Variants in FGF14 observed in about 807,000 individuals in gnomAD.
FGF14 encodes the protein fibroblast growth factor 14, also known as fibroblast growth factor homologous factor 4.
A neutral mutation model predicts 25.5 loss-of-function variants in FGF14; 5 were observed. The ratio of observed to expected loss-of-function variants is 0.20; its 90% CI spans 0.10 to 0.41. The LOEUF is 0.41. Ranked by LOEUF, FGF14 falls within the 10% of genes least tolerant of loss-of-function variation. The probability of loss-of-function intolerance (pLI) is 1.00; values close to 1 mark genes in which losing one functional copy is unlikely to be tolerated. For missense variants in FGF14, 222 were observed against 320.1 expected, an observed-to-expected ratio of 0.69 and a Z score of 2.34; for synonymous variants, 138 against 118.3, an observed-to-expected ratio of 1.17 and a Z score of -1.08.
chr13:102,153,100 C>T (rs1476493960), intron 1 of FGF14, among the ~76,000 whole-genome samples: 1 of 152,062 alleles, frequency 6.6e-6, no homozygotes, highest in African/African-American at 2.4e-5. Context: ...AGCGATTAAC[C>T]GAATTCAAAA....
chr13:102,313,009 G>A (rs116835715), intron 1 of FGF14, among the ~76,000 whole-genome samples: 1,946 of 152,210 alleles, frequency 0.013, 38 homozygotes, highest in African/African-American at 0.043. Context: ...CTCCTGTAGC[G>A]GACCAACCTA....
chr13:101,916,630 C>T lies in FGF14; in HGVS notation c.16G>A (p.Ala6Thr). Reference sequence around the variant, plus strand: ...CGCTTCTGGCGGATCAAGCCGCTAGCGATGGCCGCGGCCATGGTGGCCCCG... The same window carrying T: ...CGCTTCTGGCGGATCAAGCCGCTAGTGATGGCCGCGGCCATGGTGGCCCCG... MAAAI[A>T]SGLIRQKRQA... The change falls in exon 1 of 5, where the codon GCT becomes ACT. Residue 6 changes from alanine to threonine, a missense_variant. Physicochemically the swap from Ala to Thr is moderately conservative, Grantham distance 58 (BLOSUM62 0). This residue lies in a region of FGF14 where 11 missense variants were observed against 26.6 expected (regional missense o/e 0.41). Transcript: ENST00000376143. 1 of 1,575,036 alleles carries T rather than the reference C, an allele frequency of 6.3e-7. No homozygotes were observed. The highest frequency in any genetic ancestry group is 8.6e-7 in the Non-Finnish European group (1 of 1,157,534).
At chr13:101,860,255 C>G (rs1449382873) in intron 3 of FGF14, among the ~76,000 whole-genome samples, 1 of 152,076 alleles carries the variant, frequency 6.6e-6, no homozygotes, top group Non-Finnish European at 1.5e-5. Context: ...TCTATACCAT[C>G]TTGGTGCTCG....
chr13:102,333,527 C>A (rs879906217), intron 1 of FGF14, among the ~76,000 whole-genome samples: 1 of 152,076 alleles, frequency 6.6e-6, no homozygotes, highest in South Asian at 2.1e-4. Flanking sequence ...ATGGATGTTA[C>A]GCAAGAAGAG....
chr13:101,994,182 GAACA>G lies in FGF14; in HGVS notation c.209-118890_209-118887del, dbSNP rs1445603033. On this transcript the variant is annotated intron_variant, in intron 1 of 4. Coordinates refer to the FGF14 transcript ENST00000376131. ...GTTTATGTGCAAATAAAGATAAAGA[GAACA>G]AACTTTCCAATGATTGTTGGTTCTA... is the stretch of plus-strand genomic sequence containing the variant. Among the ~76,000 whole-genome samples, 32 of 151,910 alleles carry G rather than the reference GAACA, an allele frequency of 2.1e-4. 1 individual carries two copies. Among genetic ancestry groups the G allele is most frequent in the Admixed American group, 1.6e-3 (24 of 15,242 alleles).
At chr13:102,181,693 T>C (rs1407975726) in intron 1 of FGF14, among the ~76,000 whole-genome samples, 1 of 152,184 alleles carries the variant, frequency 6.6e-6, no homozygotes, top group African/African-American at 2.4e-5. Flanking sequence ...ATTATACAGA[T>C]TCTAAATTAT....
At chr13:102,000,675 T>C (rs1168350945) in intron 1 of FGF14, among the ~76,000 whole-genome samples, 2 of 152,232 alleles carry the variant, frequency 1.3e-5, no homozygotes, top group East Asian at 3.8e-4. Flanking sequence ...CCTTTATCGC[T>C]GGCTTTTTGG....
intron 3 of FGF14, among the ~76,000 whole-genome samples, chr13:101,805,552 C>G (rs1326692252): frequency 6.6e-6 from 1 of 152,042 alleles, no homozygotes; most frequent in Non-Finnish European, 1.5e-5. Context: ...ATTAAGGGCA[C>G]CAAACATGTA....
intron 1 of FGF14, among the ~76,000 whole-genome samples, chr13:102,356,659 C>T (rs1011476038): frequency 2.0e-5 from 3 of 152,334 alleles, no homozygotes; most frequent in African/African-American, 7.2e-5. Flanking sequence ...CCAAGTCCCA[C>T]TGTTTACTGT....
chr13:102,387,903 T>G lies in FGF14; in HGVS notation c.208+13568A>C, dbSNP rs546873050. On this transcript the variant is annotated intron_variant, in intron 1 of 4. Transcript: ENST00000376131. ...TACTACCACGCCCGGCTAATTTTTG[T>G]ATTTTTAGTAAAGACGGGGTTTCAC... Among the ~76,000 whole-genome samples the G allele has an allele frequency of 1.6e-4, 25 of 152,300 alleles. No homozygotes were observed. The East Asian group carries it at 4.8e-3, about 29-fold the overall frequency.
chr13:102,211,690 T>C (rs1314764091), intron 1 of FGF14, among the ~76,000 whole-genome samples: 1 of 152,186 alleles, frequency 6.6e-6, no homozygotes, highest in African/African-American at 2.4e-5. Flanking sequence ...ATTTTAATTT[T>C]GTTCAATATA....
intron 1 of FGF14, among the ~76,000 whole-genome samples, chr13:101,876,437 G>C (rs2045398439): frequency 6.6e-6 from 1 of 152,096 alleles, no homozygotes; most frequent in Admixed American, 6.6e-5. Flanking sequence ...AATAGGTGAA[G>C]ACAAAAAAAT....
chr13:101,748,574 CA>C (rs1424061042), intron 3 of FGF14, among the ~76,000 whole-genome samples: 4 of 151,288 alleles, frequency 2.6e-5, no homozygotes, highest in African/African-American at 9.7e-5. Context: ...ACAATACAGC[CA>C]TGTAAAAAAA....
intron 1 of FGF14, among the ~76,000 whole-genome samples, chr13:102,320,968 CT>C (rs2056220862): frequency 6.6e-6 from 1 of 152,142 alleles, no homozygotes; most frequent in Non-Finnish European, 1.5e-5. Context: ...AAAATAGCCT[CT>C]CTCTAATATG....
At chr13:101,898,043 T>C (rs930406894) in intron 1 of FGF14, among the ~76,000 whole-genome samples, 5 of 152,008 alleles carry the variant, frequency 3.3e-5, no homozygotes, top group Admixed American at 2.6e-4. Flanking sequence ...CACAGGTGTG[T>C]GCCACCACGT....
intron 1 of FGF14, among the ~76,000 whole-genome samples, chr13:102,272,520 G>A (rs1284614666): frequency 6.6e-6 from 1 of 152,136 alleles, no homozygotes; most frequent in South Asian, 2.1e-4. Flanking sequence ...ATGTGGATAT[G>A]GTGATGGCAG....
At chr13:101,994,033 G>A (rs1215121076) in intron 1 of FGF14, among the ~76,000 whole-genome samples, 2 of 152,016 alleles carry the variant, frequency 1.3e-5, no homozygotes, top group Non-Finnish European at 2.9e-5. Context: ...TGTGATAATA[G>A]TATAATGGTT....
At chr13:102,132,199 T>C (rs1255966176) in intron 1 of FGF14, among the ~76,000 whole-genome samples, 1 of 152,026 alleles carries the variant, frequency 6.6e-6, no homozygotes, top group East Asian at 1.9e-4. Context: ...AATTGTGAAA[T>C]ATACTGGAAA....
intron 1 of FGF14, among the ~76,000 whole-genome samples, chr13:102,043,727 A>AACTAGGT (rs2041851759): frequency 6.6e-6 from 1 of 152,236 alleles, no homozygotes; most frequent in African/African-American, 2.4e-5. Context: ...AGGAACTAGG[A>AACTAGGT]AATCTGGCCT....
Sources: gnomAD v4.1 joint callset for allele counts (sites outside exome capture counted in the v4.1 genomes callset) on GRCh38, gnomAD v4.1.1 for gene constraint, gnomAD v4.1.1 regional missense constraint, MANE v1.5 for transcripts, NCBI Gene and HGNC (gene_info 2026-07-23, HGNC 2026-07-21) for gene names.